GREB1L: variants seen among roughly 807,000 people sequenced by gnomAD.
GREB1L encodes the protein GREB1-like protein.
In GREB1L, 17 loss-of-function variants were observed where a neutral mutation model predicts 200.8. The observed-to-expected ratio is 0.08, with a 90% CI of 0.06 to 0.13. GREB1L has a LOEUF of 0.13. Ranked by LOEUF, GREB1L falls within the 10% of genes least tolerant of loss-of-function variation. GREB1L has a pLI of 1.00. For missense variants in GREB1L, 1,657 were observed against 2,367.7 expected (o/e 0.70, Z 6.23); for synonymous variants, 789 against 893.0 (o/e 0.88, Z 2.08).
At chr18:21,415,304 C>T (rs1018786898) in intron 7 of GREB1L, among the ~76,000 whole-genome samples, 1 of 152,178 alleles carries the variant, frequency 6.6e-6, no homozygotes, top group African/African-American at 2.4e-5. Context: ...TGCTTGAGCT[C>T]AGGAGTTTGA....
chr18:21,367,397 A>G (rs758349608), intron 2 of GREB1L, among the ~76,000 whole-genome samples: 11 of 152,198 alleles, frequency 7.2e-5, no homozygotes, highest in Non-Finnish European at 1.6e-4. Context: ...TTTCTCTCTC[A>G]GGAAGAATTT....
intron 1 of GREB1L, among the ~76,000 whole-genome samples, chr18:21,292,937 G>C (rs2038473700): frequency 6.6e-6 from 1 of 152,182 alleles, no homozygotes; most frequent in Non-Finnish European, 1.5e-5. Flanking sequence ...GAGGCATAAA[G>C]GTCTTTTTGT....
chr18:21,522,546 T>C, intron 32 of GREB1L, 112 bp from the exon 33 acceptor site: 1 of 748,316 alleles, frequency 1.3e-6, no homozygotes, highest in Non-Finnish European at 2.1e-6. Context: ...ATAGATTGCT[T>C]ATCCATCTGT....
At chr18:21,444,851 C>G (rs1297021530) in intron 11 of GREB1L, among the ~76,000 whole-genome samples, 1 of 152,190 alleles carries the variant, frequency 6.6e-6, no homozygotes, top group Non-Finnish European at 1.5e-5. Flanking sequence ...TCTTGTTTAT[C>G]CACTGGCCCT....
chr18:21,465,301 A>G (rs532724894), intron 15 of GREB1L, among the ~76,000 whole-genome samples: 1 of 152,120 alleles, frequency 6.6e-6, no homozygotes, highest in Non-Finnish European at 1.5e-5. Context: ...AGTAAAATAT[A>G]AAAAGTTAAA....
At chr18:21,302,797 C>T (rs1382487393) in intron 1 of GREB1L, among the ~76,000 whole-genome samples, 1 of 152,168 alleles carries the variant, frequency 6.6e-6, no homozygotes, top group Non-Finnish European at 1.5e-5. Context: ...TCTCGGCTCA[C>T]TGCAACCTCC....
chr18:21,463,134 CTTTTTTTTTTTTTTT>C (rs11355874), intron 15 of GREB1L, among the ~76,000 whole-genome samples: 8 of 55,640 alleles, frequency 1.4e-4, no homozygotes, highest in African/African-American at 4.8e-4. Flanking sequence ...CTTAATGGTT[CTTTTTTTTTTTTTTT>C]TTTTTTTTTT....
At position 21,440,287 on chromosome 18, in the gene GREB1L, G is replaced by C; in HGVS notation, c.968G>C (p.Gly323Ala). The change falls in exon 9 of 33, where the codon GGG (glycine) becomes GCG (alanine). Residue 323 changes from glycine to alanine, a missense_variant. Gly to Ala is a moderately conservative substitution (Grantham distance 60). Transcript: ENST00000424526. ...SGDQATMFIS[G>A]PPKKRHRGWY... ...TCTTCAGCTACCATGTTCATTTCTG[G>C]GCCACCAAAGAAACGACACCGGGGA... 1 of 1,550,958 alleles carries C rather than the reference G, an allele frequency of 6.4e-7. No individual in the cohort carries two copies. Among genetic ancestry groups the C allele is most frequent in the South Asian group, 1.2e-5 (1 of 84,012 alleles).
chr18:21,451,742 T>G (rs2034537022), intron 13 of GREB1L, among the ~76,000 whole-genome samples: 1 of 152,008 alleles, frequency 6.6e-6, no homozygotes, highest in South Asian at 2.1e-4. Context: ...AATCCTCCTG[T>G]GCCTTGGCCT....
chr18:21,298,476 G>C (rs1405155083), intron 1 of GREB1L, among the ~76,000 whole-genome samples: 2 of 152,130 alleles, frequency 1.3e-5, no homozygotes, highest in Admixed American at 1.3e-4. Flanking sequence ...CCTTGAGGAC[G>C]TGGACCATAT....
rs563284925 is a variant in GREB1L, at chr18:21,363,319, C to G, written c.-119-2708C>G. 1.0e-3 allele frequency among the ~76,000 whole-genome samples: 139 copies of G among 139,364 alleles called. 1 individual carries two copies. Among genetic ancestry groups the G allele is most frequent in the Non-Finnish European group, 1.7e-3 (110 of 64,918 alleles). 91.4% of individuals were successfully genotyped at this position (139,364 alleles called of 152,430 possible). A position where few individuals can be genotyped will look rare whatever the true frequency, so the allele number is the denominator to read the frequency against. Reference sequence around the variant, plus strand: ...CCCCCCCACACACACAAGAACTCCTCCTGCCTATTGGTGAGTGAATTGCCC... The same window carrying G: ...CCCCCCCACACACACAAGAACTCCTGCTGCCTATTGGTGAGTGAATTGCCC... On this transcript the variant is annotated intron_variant, in intron 1 of 32. Transcript: ENST00000424526.
intron 18 of GREB1L, among the ~76,000 whole-genome samples, chr18:21,485,991 GTCAGC>G (rs1243484079): frequency 6.6e-6 from 1 of 152,170 alleles, no homozygotes; most frequent in Non-Finnish European, 1.5e-5. Flanking sequence ...TTCATGCTGA[GTCAGC>G]TCCCGGTCAT....
At chr18:21,473,878 A>T (rs1217504959) in intron 16 of GREB1L, among the ~76,000 whole-genome samples, 4 of 152,210 alleles carry the variant, frequency 2.6e-5, no homozygotes, top group Non-Finnish European at 5.9e-5. Flanking sequence ...GTCACATCTT[A>T]CATGGATGGC....
intron 1 of GREB1L, among the ~76,000 whole-genome samples, chr18:21,341,924 G>A (rs1231867837): frequency 3.3e-5 from 5 of 152,242 alleles, no homozygotes; most frequent in East Asian, 3.9e-4. Context: ...GAAAGTGGGA[G>A]CTGAACTGCT....
chr18:21,470,528 C>T (rs1310742474), intron 15 of GREB1L, among the ~76,000 whole-genome samples: 3 of 152,004 alleles, frequency 2.0e-5, no homozygotes, highest in Non-Finnish European at 2.9e-5. Context: ...TTCCTAACTA[C>T]TGCTTGTGTA....
intron 15 of GREB1L, among the ~76,000 whole-genome samples, chr18:21,456,862 A>G (rs1304643367): frequency 6.6e-6 from 1 of 152,158 alleles, no homozygotes; most frequent in African/African-American, 2.4e-5. Context: ...GGTCACACCA[A>G]GCAGTAGCCA....
intron 1 of GREB1L, among the ~76,000 whole-genome samples, chr18:21,302,876 C>T (rs915988497): frequency 6.6e-6 from 1 of 152,140 alleles, no homozygotes; most frequent in Non-Finnish European, 1.5e-5. Context: ...CATGTGCCAC[C>T]ATGCCTGACT....
At chr18:21,338,571 T>C (rs771480654) in intron 1 of GREB1L, among the ~76,000 whole-genome samples, 11 of 152,354 alleles carry the variant, frequency 7.2e-5, no homozygotes, top group Non-Finnish European at 1.2e-4. Flanking sequence ...TCAGAGCCTA[T>C]CTCTGGGCAC....
At chr18:21,356,218 G>A (rs1229498320) in intron 1 of GREB1L, among the ~76,000 whole-genome samples, 1 of 151,348 alleles carries the variant, frequency 6.6e-6, no homozygotes, top group African/African-American at 2.4e-5. Flanking sequence ...CCTGACCTCA[G>A]GTGAGCTGCC....
Sources: allele counts gnomAD v4.1 joint callset (sites outside exome capture counted in the v4.1 genomes callset), GRCh38; gene constraint gnomAD v4.1.1; transcripts MANE v1.5; gene names NCBI Gene and HGNC (gene_info 2026-07-23, HGNC 2026-07-21).